The following TRERF1 variants were observed in gnomAD, a reference collection of about 807,000 sequenced individuals.
TRERF1 encodes the protein transcriptional-regulating factor 1.
A neutral mutation model predicts 122.9 loss-of-function variants in TRERF1; 27 were observed. The observed-to-expected ratio is 0.22, with a 90% confidence interval of 0.16 to 0.30. TRERF1 has a LOEUF of 0.30. Ranked by LOEUF, TRERF1 falls within the 10% of genes least tolerant of loss-of-function variation. TRERF1 has a pLI of 1.00. For missense variants in TRERF1, 1,248 were observed against 1,560.3 expected, an observed-to-expected ratio of 0.80 and a Z score of 3.37; for synonymous variants, 636 against 641.7, an observed-to-expected ratio of 0.99 and a Z score of 0.13.
chr6:42,241,168 G>A (rs1773608799), intron 15 of TRERF1, among the ~76,000 whole-genome samples: 1 of 152,260 alleles, frequency 6.6e-6, no homozygotes, highest in South Asian at 2.1e-4. Context: ...ACAGGTGTGA[G>A]CCACAGTGCC....
At position 42,276,068 on chromosome 6, in the gene TRERF1, G is replaced by A. The variant is rs143242859; in HGVS notation, c.-258-6220C>T. Among the ~76,000 whole-genome samples, 525 of 152,322 alleles carry A rather than the reference G, an allele frequency of 3.4e-3. No homozygotes were observed. Among genetic ancestry groups the A allele is most frequent in the Non-Finnish European group, 4.9e-3 (334 of 68,020 alleles). On this transcript the variant is annotated intron_variant, in intron 4 of 17. Transcript: ENST00000372922. This position sits in a 1 kb window ranked among gnomAD's most constrained non-coding sequence, Gnocchi z 4.3. ...ACTCACAGGCAGTACAAGAATAGGT[G>A]TGGGCTGGATCTGGCCTGACCCATG...
intron 16 of TRERF1, among the ~76,000 whole-genome samples, chr6:42,235,946 A>G (rs147844063): frequency 6.6e-6 from 1 of 152,326 alleles, no homozygotes; most frequent in East Asian, 1.9e-4. Context: ...CGCTCACTGC[A>G]GAGCTTGGAA....
intron 2 of TRERF1, among the ~76,000 whole-genome samples, chr6:42,394,771 A>G (rs568734293): frequency 1.3e-5 from 2 of 152,244 alleles, no homozygotes; most frequent in Non-Finnish European, 2.9e-5. Flanking sequence ...TATTAAAAAA[A>G]AACAGATATT....
intron 6 of TRERF1, among the ~76,000 whole-genome samples, chr6:42,265,098 C>A (rs1778915195): frequency 1.3e-5 from 2 of 152,194 alleles, no homozygotes. Flanking sequence ...AACAAAATGT[C>A]CTTCTTCATA....
At chr6:42,434,140 C>T (rs903959616) in intron 2 of TRERF1, among the ~76,000 whole-genome samples, 2 of 152,068 alleles carry the variant, frequency 1.3e-5, no homozygotes, top group Admixed American at 1.3e-4. Context: ...CATAAAGGCA[C>T]AGAAAATACA....
At chr6:42,379,611 GC>G (rs927610464) in intron 2 of TRERF1, among the ~76,000 whole-genome samples, 1 of 152,102 alleles carries the variant, frequency 6.6e-6, no homozygotes, top group African/African-American at 2.4e-5. Context: ...GCTCACTGCA[GC>G]CTTGACTTTC....
At chr6:42,422,845 CT>C (rs895409271) in intron 2 of TRERF1, among the ~76,000 whole-genome samples, 38 of 145,378 alleles carry the variant, frequency 2.6e-4, no homozygotes, top group Non-Finnish European at 2.9e-4. Context: ...GCGTGAGCAT[CT>C]TTTTTTTTTT....
At chr6:42,395,123 A>G (rs16895673) in intron 2 of TRERF1, among the ~76,000 whole-genome samples, 17,782 of 152,222 alleles carry the variant, frequency 0.12, 1,856 homozygotes, top group African/African-American at 0.28. Context: ...AGCCCTTTGC[A>G]AAGAGTTGGT....
intron 4 of TRERF1, among the ~76,000 whole-genome samples, chr6:42,287,992 A>G (rs958090971): frequency 6.6e-6 from 1 of 152,012 alleles, no homozygotes; most frequent in Non-Finnish European, 1.5e-5. Flanking sequence ...CAAAGTTTCC[A>G]TAATGCTGGT....
chr6:42,250,966 T>C (rs1775659734), intron 13 of TRERF1, among the ~76,000 whole-genome samples: 1 of 151,234 alleles, frequency 6.6e-6, no homozygotes, highest in Non-Finnish European at 1.5e-5. Context: ...AAACTTCTAT[T>C]ATAATTTTTT....
chr6:42,227,039 G>A (rs1019263466), exon 18 of TRERF1: 3 of 152,254 alleles, frequency 2.0e-5, no homozygotes, highest in Admixed American at 2.0e-4. Context: ...TGGCATTTTT[G>A]AAGGATTACA....
At chr6:42,358,772 A>G (rs1771102351) in intron 3 of TRERF1, among the ~76,000 whole-genome samples, 1 of 150,430 alleles carries the variant, frequency 6.6e-6, no homozygotes, top group African/African-American at 2.5e-5. Flanking sequence ...CCCTAGGTCA[A>G]TGACCTAAAG....
At chr6:42,261,637 C>T (rs940398103) in intron 8 of TRERF1, among the ~76,000 whole-genome samples, 1 of 152,164 alleles carries the variant, frequency 6.6e-6, no homozygotes, top group Admixed American at 6.5e-5. Context: ...TTCATCCCAG[C>T]TGGCTAGGAG....
chr6:42,312,866 T>C (rs1761912734), intron 3 of TRERF1, among the ~76,000 whole-genome samples: 1 of 152,210 alleles, frequency 6.6e-6, no homozygotes, highest in South Asian at 2.1e-4. Flanking sequence ...AAATAGGTTC[T>C]ACCAATGTTC....
intron 3 of TRERF1, among the ~76,000 whole-genome samples, chr6:42,328,004 C>CTTTTTTT (rs36069546): frequency 9.3e-6 from 1 of 108,000 alleles, no homozygotes; most frequent in Non-Finnish European, 1.9e-5. Flanking sequence ...TTCTTTCTTT[C>CTTTTTTT]TTTTTTTTTT....
intron 3 of TRERF1, among the ~76,000 whole-genome samples, chr6:42,319,273 A>G (rs1184331665): frequency 6.6e-6 from 1 of 152,216 alleles, no homozygotes; most frequent in East Asian, 1.9e-4. Flanking sequence ...TTCAGCCTCC[A>G]AGATCTTTGC....
At chr6:42,384,904 A>G (rs1313278326) in intron 2 of TRERF1, among the ~76,000 whole-genome samples, 1 of 151,946 alleles carries the variant, frequency 6.6e-6, no homozygotes, top group Non-Finnish European at 1.5e-5. Context: ...TCCTGGGTTC[A>G]AGCAATTCTC....
intron 2 of TRERF1, among the ~76,000 whole-genome samples, chr6:42,374,988 AG>A (rs1426110377): frequency 6.9e-6 from 1 of 144,660 alleles, no homozygotes; most frequent in African/African-American, 2.6e-5. Context: ...CCTGGGCAAC[AG>A]AGCAAGATTC....
At chr6:42,315,934 C>T (rs1009127830) in intron 3 of TRERF1, among the ~76,000 whole-genome samples, 8 of 152,008 alleles carry the variant, frequency 5.3e-5, no homozygotes, top group African/African-American at 1.4e-4. Flanking sequence ...CCTACCCTCA[C>T]GGTACCTGGA....
Sources: gnomAD v4.1 joint callset for allele counts (sites outside exome capture counted in the v4.1 genomes callset) on GRCh38, gnomAD v4.1.1 for gene constraint, Gnocchi (gnomAD v3.1) non-coding constraint, MANE v1.5 for transcripts, NCBI Gene and HGNC (gene_info 2026-07-23, HGNC 2026-07-21) for gene names.